Variants in STK39 observed in about 807,000 individuals in gnomAD.
The protein encoded by STK39 is serine/threonine kinase 39.
Under a neutral mutation model 77.8 loss-of-function variants are expected in STK39, and 20 were observed. The ratio of observed to expected loss-of-function variants is 0.26; its 90% CI spans 0.18 to 0.37. The LOEUF (loss-of-function observed/expected upper bound fraction) is 0.37, where lower values mean the gene tolerates loss of function less well. Ranked by LOEUF, STK39 falls within the 10% of genes least tolerant of loss-of-function variation. STK39 has a pLI of 1.00. For missense variants in STK39, 479 were observed against 656.5 expected (o/e 0.73, Z 2.95); for synonymous variants, 246 against 234.1 (o/e 1.05, Z -0.47).
intron 1 of STK39, among the ~76,000 whole-genome samples, chr2:168,208,585 C>G (rs1285619132): frequency 6.6e-6 from 1 of 152,234 alleles, no homozygotes; most frequent in Non-Finnish European, 1.5e-5. Context: ...ATTCTCATCT[C>G]TAGTTCCAAT....
At chr2:167,985,942 G>A (rs1448007871) in intron 16 of STK39, among the ~76,000 whole-genome samples, 2 of 152,078 alleles carry the variant, frequency 1.3e-5, no homozygotes, top group Non-Finnish European at 2.9e-5. Context: ...AACAAAACAC[G>A]GTATTTTGGG....
At chr2:168,215,354 C>T (rs1690000424) in intron 1 of STK39, among the ~76,000 whole-genome samples, 2 of 152,136 alleles carry the variant, frequency 1.3e-5, no homozygotes, top group African/African-American at 4.8e-5. Context: ...TTGTGTGGTT[C>T]TTTGCTCCAA....
intron 11 of STK39, 33 bp from the exon 12 acceptor site, chr2:168,075,044 TAC>T (rs777349157): frequency 9.9e-6 from 16 of 1,613,788 alleles, no homozygotes; most frequent in South Asian, 3.3e-5. Flanking sequence ...TTAATATATA[TAC>T]ACACACACAA....
At chr2:168,137,119 G>A (rs1334437937) in intron 8 of STK39, among the ~76,000 whole-genome samples, 2 of 152,186 alleles carry the variant, frequency 1.3e-5, no homozygotes, top group Non-Finnish European at 2.9e-5. Flanking sequence ...AAGTTACTGT[G>A]TAAAGGCTTA....
intron 1 of STK39, among the ~76,000 whole-genome samples, chr2:168,211,204 G>A (rs1689881841): frequency 6.6e-6 from 1 of 151,764 alleles, no homozygotes; most frequent in Non-Finnish European, 1.5e-5. Flanking sequence ...CCACCCAAAA[G>A]GCAAAGAATG....
chr2:168,059,953 T>C (rs1685619989), intron 14 of STK39, among the ~76,000 whole-genome samples: 1 of 152,182 alleles, frequency 6.6e-6, no homozygotes, highest in Non-Finnish European at 1.5e-5. Context: ...TACTGGTACA[T>C]TACAGCACCT....
At chr2:168,103,623 T>C (rs369517729) in intron 10 of STK39, among the ~76,000 whole-genome samples, 1 of 152,240 alleles carries the variant, frequency 6.6e-6, no homozygotes, top group Admixed American at 6.5e-5. Context: ...CATGAATACA[T>C]GGAAAGGTTA....
chr2:168,217,461 C>A (rs1183295850), intron 1 of STK39, among the ~76,000 whole-genome samples: 1 of 152,174 alleles, frequency 6.6e-6, no homozygotes, highest in Non-Finnish European at 1.5e-5. Flanking sequence ...ATCATATAAA[C>A]TGACATTTCA....
chr2:168,088,060 C>T (rs1479699636), intron 10 of STK39, among the ~76,000 whole-genome samples: 7 of 119,232 alleles, frequency 5.9e-5, no homozygotes, highest in South Asian at 3.1e-4. Context: ...ATTAATGACC[C>T]GAGAAAAAAC....
chr2:168,019,373 TCTCA>T (rs1426281745), intron 14 of STK39, among the ~76,000 whole-genome samples: 20 of 152,224 alleles, frequency 1.3e-4, no homozygotes, highest in Non-Finnish European at 1.5e-5. Context: ...GTTGTTAACC[TCTCA>T]CTGTGCCTAA....
intron 1 of STK39, among the ~76,000 whole-genome samples, chr2:168,241,339 C>T (rs1245103659): frequency 3.3e-5 from 5 of 152,192 alleles, no homozygotes; most frequent in Non-Finnish European, 7.3e-5. Flanking sequence ...TGGCAGCCTC[C>T]GGGCAAACTC....
intron 10 of STK39, among the ~76,000 whole-genome samples, chr2:168,107,887 A>T (rs1259152046): frequency 6.6e-6 from 1 of 152,210 alleles, no homozygotes; most frequent in Non-Finnish European, 1.5e-5. Context: ...CACTCACTTT[A>T]TACGGACACC....
intron 16 of STK39, among the ~76,000 whole-genome samples, chr2:167,997,964 T>A (rs1232935754): frequency 6.6e-6 from 1 of 152,240 alleles, no homozygotes; most frequent in East Asian, 1.9e-4. Flanking sequence ...TTGTGGGGGA[T>A]GTTATTTAAT....
intron 10 of STK39, among the ~76,000 whole-genome samples, chr2:168,077,668 T>C (rs1453945887): frequency 6.6e-6 from 1 of 152,196 alleles, no homozygotes; most frequent in Non-Finnish European, 1.5e-5. Context: ...TCCCCTCAGC[T>C]TACTCCTAGG....
intron 10 of STK39, among the ~76,000 whole-genome samples, chr2:168,105,088 T>C (rs967596827): frequency 1.3e-5 from 2 of 152,234 alleles, no homozygotes; most frequent in Non-Finnish European, 2.9e-5. Context: ...TGTGTGTTCA[T>C]ATTTGAGCAG....
At chr2:167,971,926 C>T (rs1191708635) in intron 16 of STK39, among the ~76,000 whole-genome samples, 1 of 152,226 alleles carries the variant, frequency 6.6e-6, no homozygotes, top group African/African-American at 2.4e-5. Context: ...TGGCTGATGT[C>T]TGCGTTTTGT....
intron 10 of STK39, among the ~76,000 whole-genome samples, chr2:168,126,234 G>A (rs909147863): frequency 2.0e-5 from 3 of 152,052 alleles, no homozygotes; most frequent in Non-Finnish European, 2.9e-5. Context: ...CAACATCAAC[G>A]AGTAGCCTCT....
At position 168,077,261 on chromosome 2, in the gene STK39, G is replaced by A. The variant is rs539218071; in HGVS notation, c.1090-2030C>T. Among the ~76,000 whole-genome samples, 20 of 152,252 alleles carry A rather than the reference G, an allele frequency of 1.3e-4. No homozygotes were observed. In the South Asian group the frequency reaches 4.2e-3, roughly 32 times the overall value. On this transcript the variant is annotated intron_variant, in intron 10 of 17. Transcript: ENST00000355999. Reference sequence around the variant, plus strand: ...CACTAAGGAAATCTTCTTTTCCAGAGAGAGTCTAGATTAACATCCTAAAAT... The same window carrying A: ...CACTAAGGAAATCTTCTTTTCCAGAAAGAGTCTAGATTAACATCCTAAAAT...
intron 12 of STK39, among the ~76,000 whole-genome samples, chr2:168,068,627 C>T (rs895869314): frequency 2.6e-5 from 4 of 152,144 alleles, no homozygotes; most frequent in African/African-American, 9.7e-5. Context: ...TTCTATAAAT[C>T]GAAAATTATT....
Sources: gnomAD v4.1 joint callset for allele counts (sites outside exome capture counted in the v4.1 genomes callset) on GRCh38, gnomAD v4.1.1 for gene constraint, MANE v1.5 for transcripts, NCBI Gene and HGNC (gene_info 2026-07-23, HGNC 2026-07-21) for gene names.